The following LRRC4C variants were observed in gnomAD, a reference collection of about 807,000 sequenced individuals.
The protein encoded by LRRC4C is leucine-rich repeat-containing protein 4C.
A neutral mutation model predicts 33.6 loss-of-function variants in LRRC4C; 5 were observed. That is an observed-to-expected ratio of 0.15 (90% CI 0.08 to 0.31). The LOEUF is 0.31. LRRC4C is among the 10% of genes least tolerant of loss of function. The probability of loss-of-function intolerance (pLI) is 1.00; values close to 1 mark genes in which losing one functional copy is unlikely to be tolerated. For synonymous variants in LRRC4C, 329 were observed against 302.0 expected (o/e 1.09, Z -0.93); for missense variants, 560 against 796.7 (o/e 0.70, Z 3.58).
intron 2 of LRRC4C, among the ~76,000 whole-genome samples, chr11:40,695,168 C>A (rs1260956036): frequency 6.6e-6 from 1 of 152,094 alleles, no homozygotes; most frequent in Non-Finnish European, 1.5e-5. Context: ...GGAAATAATC[C>A]ATTATGCTTG....
At chr11:40,539,709 T>A (rs1956625743) in intron 3 of LRRC4C, among the ~76,000 whole-genome samples, 1 of 152,146 alleles carries the variant, frequency 6.6e-6, no homozygotes, top group South Asian at 2.1e-4. Flanking sequence ...TTCATTGGTT[T>A]GTAATCTGGT....
At chr11:40,476,748 T>C (rs1021253356) in intron 3 of LRRC4C, among the ~76,000 whole-genome samples, 5 of 152,220 alleles carry the variant, frequency 3.3e-5, no homozygotes, top group Admixed American at 2.0e-4. Context: ...ATGTAAAATT[T>C]ATGAAGTTTT....
intron 1 of LRRC4C, among the ~76,000 whole-genome samples, chr11:41,268,321 C>A (rs1949216237): frequency 6.6e-6 from 1 of 152,064 alleles, no homozygotes; most frequent in Non-Finnish European, 1.5e-5. Flanking sequence ...CCCTGGGCAA[C>A]ACCTTGATCA....
chr11:40,172,649 A>T (rs1236297227), intron 5 of LRRC4C, among the ~76,000 whole-genome samples: 2 of 151,550 alleles, frequency 1.3e-5, no homozygotes, highest in African/African-American at 2.4e-5. Context: ...ACTGACATAT[A>T]CCTGTCTCCT....
chr11:40,816,987 TA>T (rs1287349893), intron 2 of LRRC4C, among the ~76,000 whole-genome samples: 2 of 152,148 alleles, frequency 1.3e-5, no homozygotes, highest in Non-Finnish European at 2.9e-5. Flanking sequence ...CAGAAGCTGA[TA>T]AGTATGTCTC....
chr11:40,919,050 C>G (rs1224388258), intron 2 of LRRC4C, among the ~76,000 whole-genome samples: 4 of 152,146 alleles, frequency 2.6e-5, no homozygotes, highest in Non-Finnish European at 5.9e-5. Flanking sequence ...GGATATATTT[C>G]TGAATCCTAG....
At chr11:40,396,356 C>T (rs1233155638) in intron 3 of LRRC4C, among the ~76,000 whole-genome samples, 1 of 152,006 alleles carries the variant, frequency 6.6e-6, no homozygotes, top group Non-Finnish European at 1.5e-5. Flanking sequence ...TTATCATTTA[C>T]TTTACTGCTA....
chr11:41,195,464 A>G (rs1288971092), intron 1 of LRRC4C, among the ~76,000 whole-genome samples: 1 of 152,112 alleles, frequency 6.6e-6, no homozygotes, highest in Non-Finnish European at 1.5e-5. Context: ...GAAACTGACA[A>G]TCCACTGGGA....
chr11:40,460,882 G>A (rs1952361081), intron 3 of LRRC4C, among the ~76,000 whole-genome samples: 1 of 152,072 alleles, frequency 6.6e-6, no homozygotes, highest in African/African-American at 2.4e-5. Context: ...CAATCATAAT[G>A]AGATACTGAA....
intron 3 of LRRC4C, among the ~76,000 whole-genome samples, chr11:40,375,718 AG>A (rs2137297198): frequency 6.6e-6 from 1 of 152,306 alleles, no homozygotes; most frequent in South Asian, 2.1e-4. Context: ...AAATACATAT[AG>A]ATTAACCAAC....
intron 1 of LRRC4C, among the ~76,000 whole-genome samples, chr11:41,206,772 T>G (rs1033868882): frequency 1.3e-5 from 2 of 152,158 alleles, no homozygotes; most frequent in Non-Finnish European, 2.9e-5. Context: ...ATAATACTTA[T>G]GGACTATTTG....
intron 6 of LRRC4C, among the ~76,000 whole-genome samples, chr11:40,121,737 C>T (rs949394823): frequency 2.0e-5 from 3 of 152,196 alleles, no homozygotes; most frequent in Admixed American, 1.3e-4. Flanking sequence ...AGTTAGCTAA[C>T]GGAGATGCTT....
intron 3 of LRRC4C, among the ~76,000 whole-genome samples, chr11:40,476,415 A>G (rs10219195): frequency 0.15 from 20,518 of 133,012 alleles, 1,527 homozygotes; most frequent in Middle Eastern, 0.21. Context: ...GTGTGATCTC[A>G]GCTCACCACA....
At chr11:40,561,712 C>T (rs111916840) in intron 3 of LRRC4C, among the ~76,000 whole-genome samples, 27 of 152,050 alleles carry the variant, frequency 1.8e-4, no homozygotes, top group Admixed American at 9.2e-4. Flanking sequence ...GCGCCCGGCC[C>T]GTTGTTGTTG....
At position 40,491,109 on chromosome 11, in the gene LRRC4C, C is replaced by T. The variant is rs1307337167; in HGVS notation, c.-270+157033G>A. ...ACCAGCCTGATCAACATAGTAAAAC[C>T]CCATCTCTACTAAAAATACAAAAAA... is the stretch of plus-strand genomic sequence containing the variant. On this transcript the variant is annotated intron_variant, in intron 3 of 6. Transcript: ENST00000528697. Among the ~76,000 whole-genome samples, 7 of 152,136 alleles carry T rather than the reference C, an allele frequency of 4.6e-5. No homozygotes were observed. The East Asian group carries it at 1.4e-3, about 29-fold the overall frequency.
chr11:40,939,647 T>A (rs1958057793), intron 1 of LRRC4C, among the ~76,000 whole-genome samples: 1 of 152,068 alleles, frequency 6.6e-6, no homozygotes, highest in Admixed American at 6.6e-5. Flanking sequence ...GTGAACTCTA[T>A]CAAAAAAGGG....
intron 3 of LRRC4C, among the ~76,000 whole-genome samples, chr11:40,595,723 A>G (rs1028287276): frequency 2.0e-5 from 3 of 151,710 alleles, no homozygotes; most frequent in African/African-American, 7.3e-5. Context: ...TACTTCACTG[A>G]CTCCCAGGAG....
chr11:41,439,269 C>T (rs991143772), intron 1 of LRRC4C, among the ~76,000 whole-genome samples: 10 of 152,118 alleles, frequency 6.6e-5, no homozygotes, highest in South Asian at 2.1e-4. Flanking sequence ...TTTCTTTCTC[C>T]TACCACCCAT....
chr11:40,267,552 C>A (rs894627923), intron 4 of LRRC4C, among the ~76,000 whole-genome samples: 1 of 152,010 alleles, frequency 6.6e-6, no homozygotes, highest in African/African-American at 2.4e-5. Context: ...GGGGTTTCAC[C>A]GTGTTAGCCA....
Sources: allele counts gnomAD v4.1 joint callset (sites outside exome capture counted in the v4.1 genomes callset), GRCh38; gene constraint gnomAD v4.1.1; transcripts MANE v1.5; gene names NCBI Gene and HGNC (gene_info 2026-07-23, HGNC 2026-07-21).